ZFPM2: variants seen among roughly 807,000 people sequenced by gnomAD.
The protein encoded by ZFPM2 is zinc finger protein ZFPM2.
ZFPM2 carries 20 observed loss-of-function variants against 98.6 expected under a neutral mutation model. The observed-to-expected ratio is 0.20, with a 90% confidence interval of 0.14 to 0.29. The LOEUF (loss-of-function observed/expected upper bound fraction) is 0.29, where lower values mean the gene tolerates loss of function less well. ZFPM2 is among the 10% of genes least tolerant of loss of function. The probability of loss-of-function intolerance (pLI) is 1.00; values close to 1 mark genes in which losing one functional copy is unlikely to be tolerated. For missense variants in ZFPM2, 1,310 were observed against 1,388.6 expected (o/e 0.94, Z 0.90); for synonymous variants, 518 against 502.7 (o/e 1.03, Z -0.41).
At chr8:105,644,711 G>A (rs914788202) in intron 5 of ZFPM2, among the ~76,000 whole-genome samples, 7 of 152,162 alleles carry the variant, frequency 4.6e-5, no homozygotes, top group Admixed American at 2.6e-4. Context: ...GATGCTGGCA[G>A]TTTCACACTT....
At chr8:105,409,700 G>A (rs1811538309) in intron 1 of ZFPM2, among the ~76,000 whole-genome samples, 1 of 151,892 alleles carries the variant, frequency 6.6e-6, no homozygotes, top group Admixed American at 6.6e-5. Context: ...GATAGCATTT[G>A]TATTCCAGCA....
chr8:105,422,076 A>G (rs1811805933), intron 2 of ZFPM2, among the ~76,000 whole-genome samples: 2 of 151,082 alleles, frequency 1.3e-5, no homozygotes, highest in Admixed American at 1.3e-4. Context: ...AAAAGGTAGA[A>G]GTATTTAAAT....
chr8:105,769,042 A>C (rs1346737041), intron 5 of ZFPM2, among the ~76,000 whole-genome samples: 1 of 151,882 alleles, frequency 6.6e-6, no homozygotes, highest in Non-Finnish European at 1.5e-5. Flanking sequence ...CTTATTTCAA[A>C]AGCTTTTATT....
chr8:105,716,560 T>A (rs1811528816), intron 5 of ZFPM2, among the ~76,000 whole-genome samples: 2 of 151,990 alleles, frequency 1.3e-5, no homozygotes, highest in African/African-American at 4.8e-5. Flanking sequence ...ACAGTGCCAC[T>A]TGAATGTTTC....
chr8:105,708,210 A>G lies in ZFPM2; in HGVS notation c.532+73853A>G, dbSNP rs749970910. On this transcript the variant is annotated intron_variant, in intron 5 of 7. Transcript: ENST00000407775. ...TAAAACCTGTGTCATCGACCTCCATATTCTTATAATAATTGGAGAATCATC... is the reference window on the plus strand; with the variant it reads ...TAAAACCTGTGTCATCGACCTCCATGTTCTTATAATAATTGGAGAATCATC... Among the ~76,000 whole-genome samples, 99 of 152,204 alleles carry G rather than the reference A, an allele frequency of 6.5e-4. 1 individual carries two copies. Among genetic ancestry groups the G allele is most frequent in the Admixed American group, 3.3e-4 (5 of 15,272 alleles).
chr8:105,720,662 ACT>A (rs1274300872), intron 5 of ZFPM2, among the ~76,000 whole-genome samples: 1 of 151,538 alleles, frequency 6.6e-6, no homozygotes, highest in East Asian at 1.9e-4. Flanking sequence ...GTCAGGAAAA[ACT>A]CTGACTTCAT....
In ZFPM2 at chr8:105,801,887, C is replaced by A. The variant is rs779192516; in HGVS notation, c.1805C>A (p.Thr602Asn). ...PEALSPNTGQTSINLLNPAAH... is the reference protein window; with the variant it reads ...PEALSPNTGQNSINLLNPAAH... Reference sequence around the variant, plus strand: ...GCTTTGAGTCCCAACACTGGCCAAACCTCCATAAACCTTCTCAACCCAGCT... The same window carrying A: ...GCTTTGAGTCCCAACACTGGCCAAAACTCCATAAACCTTCTCAACCCAGCT... Residue 602 changes from threonine to asparagine, a missense_variant, in exon 8 of 8, where the codon ACC (threonine) becomes AAC (asparagine). Coordinates refer to ENST00000407775, the MANE Select transcript of ZFPM2 (RefSeq NM_012082.4). 9 of 1,613,828 alleles carry A rather than the reference C, an allele frequency of 5.6e-6. No homozygotes were observed. Among genetic ancestry groups the A allele is most frequent in the African/African-American group, 5.3e-5 (4 of 74,910 alleles).
At chr8:105,403,477 T>C (rs553513956) in intron 1 of ZFPM2, among the ~76,000 whole-genome samples, 2 of 152,240 alleles carry the variant, frequency 1.3e-5, no homozygotes, top group South Asian at 4.1e-4. Flanking sequence ...TTATGTTTTG[T>C]TTATTTGAAA....
At chr8:105,380,813 T>TATATATA (rs1810860153) in intron 1 of ZFPM2, among the ~76,000 whole-genome samples, 1 of 80,138 alleles carries the variant, frequency 1.2e-5, no homozygotes, top group Non-Finnish European at 2.1e-5. Context: ...TTATATATAA[T>TATATATA]ATATATAATA....
chr8:105,691,683 T>G (rs1443626919), intron 5 of ZFPM2, among the ~76,000 whole-genome samples: 1 of 152,184 alleles, frequency 6.6e-6, no homozygotes, highest in East Asian at 1.9e-4. Context: ...GTCATGTTAG[T>G]TTAGTTTCTT....
At chr8:105,458,204 G>T (rs1812629494) in intron 3 of ZFPM2, among the ~76,000 whole-genome samples, 2 of 152,258 alleles carry the variant, frequency 1.3e-5, no homozygotes, top group South Asian at 4.1e-4. Flanking sequence ...AAAGAAGATT[G>T]CAAAGTGTTG....
At chr8:105,483,224 C>T (rs1004175916) in intron 3 of ZFPM2, among the ~76,000 whole-genome samples, 10 of 152,020 alleles carry the variant, frequency 6.6e-5, no homozygotes, top group Admixed American at 2.6e-4. Context: ...AATAAATTCT[C>T]AGCCCTTTTG....
intron 5 of ZFPM2, among the ~76,000 whole-genome samples, chr8:105,736,265 A>G (rs1254797607): frequency 6.6e-6 from 1 of 151,992 alleles, no homozygotes; most frequent in Non-Finnish European, 1.5e-5. Context: ...ATGAGCCAGA[A>G]TAAAAGATAC....
chr8:105,614,570 T>A (rs915530290), intron 4 of ZFPM2, among the ~76,000 whole-genome samples: 1 of 152,134 alleles, frequency 6.6e-6, no homozygotes, highest in Non-Finnish European at 1.5e-5. Context: ...TTGTGCAGGC[T>A]TAACTCAGAA....
chr8:105,774,666 T>TAA (rs1813057441), intron 5 of ZFPM2, among the ~76,000 whole-genome samples: 1 of 152,176 alleles, frequency 6.6e-6, no homozygotes, highest in Non-Finnish European at 1.5e-5. Context: ...TAAATATACT[T>TAA]AAAACTTAGT....
chr8:105,393,584 A>G (rs1253212136), intron 1 of ZFPM2, among the ~76,000 whole-genome samples: 1 of 152,116 alleles, frequency 6.6e-6, no homozygotes, highest in Admixed American at 6.5e-5. Context: ...CAGCCAGAGC[A>G]TGTTTATTAT....
At chr8:105,755,474 T>TA (rs1812576825) in intron 5 of ZFPM2, among the ~76,000 whole-genome samples, 1 of 152,156 alleles carries the variant, frequency 6.6e-6, no homozygotes, top group African/African-American at 2.4e-5. Flanking sequence ...GAACTGGTCA[T>TA]TTGAGTGCTT....
chr8:105,330,562 A>ATG (rs1191309089), intron 1 of ZFPM2, among the ~76,000 whole-genome samples: 1 of 76,658 alleles, frequency 1.3e-5, no homozygotes, highest in Non-Finnish European at 2.8e-5. Flanking sequence ...ACATATATAT[A>ATG]TATATACATA....
intron 5 of ZFPM2, among the ~76,000 whole-genome samples, chr8:105,749,001 C>T (rs1480977058): frequency 1.3e-5 from 2 of 152,018 alleles, no homozygotes; most frequent in Non-Finnish European, 2.9e-5. Flanking sequence ...GCTGCACTGG[C>T]TCTATCCATA....
Sources: allele counts gnomAD v4.1 joint callset (sites outside exome capture counted in the v4.1 genomes callset), GRCh38; gene constraint gnomAD v4.1.1; transcripts MANE v1.5; gene names NCBI Gene and HGNC (gene_info 2026-07-23, HGNC 2026-07-21).